BCL11B: variants seen among roughly 807,000 people sequenced by gnomAD.
BCL11B encodes the protein B-cell lymphoma/leukemia 11B.
Under a neutral mutation model 49.9 loss-of-function variants are expected in BCL11B, and 8 were observed. The ratio of observed to expected loss-of-function variants is 0.16; its 90% confidence interval spans 0.09 to 0.29. The LOEUF is 0.29. BCL11B is among the 10% of genes least tolerant of loss of function. The pLI is 1.00. For synonymous variants in BCL11B, 739 were observed against 637.4 expected (o/e 1.16, Z -2.40); for missense variants, 1,006 against 1,351.0 (o/e 0.74, Z 4.00).
intron 3 of BCL11B, among the ~76,000 whole-genome samples, chr14:99,177,908 T>C (rs2139766479): frequency 6.6e-6 from 1 of 152,246 alleles, no homozygotes; most frequent in East Asian, 1.9e-4. Context: ...AAACTTTCAT[T>C]TGGAAACCAT....
At chr14:99,191,784 T>C (rs575846558) in intron 3 of BCL11B, among the ~76,000 whole-genome samples, 1 of 151,790 alleles carries the variant, frequency 6.6e-6, no homozygotes, top group East Asian at 1.9e-4. Context: ...AAGGCAGGGA[T>C]GTCAGGGGCT....
At chr14:99,203,102 A>G (rs1413954967) in intron 3 of BCL11B, among the ~76,000 whole-genome samples, 1 of 152,152 alleles carries the variant, frequency 6.6e-6, no homozygotes, top group African/African-American at 2.4e-5. Flanking sequence ...TTCCTAGAAG[A>G]CAAACTGAGG....
intron 3 of BCL11B, among the ~76,000 whole-genome samples, chr14:99,211,910 G>A (rs1204800834): frequency 1.3e-5 from 2 of 152,024 alleles, no homozygotes; most frequent in Non-Finnish European, 2.9e-5. Flanking sequence ...CTTATAAGAA[G>A]AAGAAACTTC....
chr14:99,260,403 T>C (rs1889302924), intron 1 of BCL11B, among the ~76,000 whole-genome samples: 1 of 152,198 alleles, frequency 6.6e-6, no homozygotes, highest in Admixed American at 6.5e-5. Flanking sequence ...CTTTTTTGTT[T>C]GCTTTTTTAT....
chr14:99,175,580 G>T lies in BCL11B; in HGVS notation c.1256C>A (p.Pro419His). The T allele has an allele frequency of 6.3e-7, 1 of 1,585,190 alleles. No individual in the cohort carries two copies. The highest frequency in any genetic ancestry group is 8.6e-7 in the Non-Finnish European group (1 of 1,167,604). ...CTTGCTCTTGGCTGGCGGCTGCGGG[G>T]GCGGCGTGCCGCCAGGGGGCATGGG... is the stretch of plus-strand genomic sequence containing the variant. ...LPPMPPGGTP[P>H]PQPPAKSKSC... The change falls in exon 4 of 4, where the codon CCC (proline) becomes CAC (histidine). Residue 419 changes from proline (P) to histidine (H), a missense_variant. Around this residue, in one of 6 missense-constraint regions of BCL11B, gnomAD observed 97 missense variants for 81.5 expected, o/e 1.19. Coordinates refer to ENST00000357195, the MANE Select transcript of BCL11B (RefSeq NM_138576.4).
chr14:99,269,981 C>A (rs1889612294), intron 1 of BCL11B, among the ~76,000 whole-genome samples: 1 of 151,728 alleles, frequency 6.6e-6, no homozygotes, highest in African/African-American at 2.4e-5. Context: ...AGAAGCCGCC[C>A]CGCGGGCTGC....
At chr14:99,238,240 G>T (rs1275468622) in intron 2 of BCL11B, among the ~76,000 whole-genome samples, 1 of 152,124 alleles carries the variant, frequency 6.6e-6, no homozygotes, top group East Asian at 1.9e-4. Context: ...AGGAATGATC[G>T]CGTCCCCCAC....
chr14:99,175,216 CTCCTCCTCCTCCTCCTCG>C lies in BCL11B; in HGVS notation c.1602_1619del (p.Asp534_Glu539del). ...CGTTCTCCAGTAGCAGCTCCTCCTC[CTCCTCCTCCTCCTCCTCG>C]TCCTCCTCCTCCGGCTCGTGGCCCA... On this transcript the variant is annotated inframe_deletion, in exon 4 of 4. Transcript: ENST00000357195. The C allele has an allele frequency of 1.3e-6, 2 of 1,549,690 alleles. No homozygotes were observed. The highest frequency in any genetic ancestry group is 1.7e-6 in the Non-Finnish European group (2 of 1,149,808).
At chr14:99,230,999 G>A (rs998051589) in intron 3 of BCL11B, among the ~76,000 whole-genome samples, 2 of 152,174 alleles carry the variant, frequency 1.3e-5, no homozygotes, top group African/African-American at 4.8e-5. Flanking sequence ...TGGGGTGGGG[G>A]AGGGGGTGGC....
intron 2 of BCL11B, among the ~76,000 whole-genome samples, chr14:99,253,678 T>C (rs1462368542): frequency 2.0e-5 from 3 of 151,808 alleles, no homozygotes; most frequent in African/African-American, 4.8e-5. Flanking sequence ...TGAAAGCCCC[T>C]TTCTCCTCAC....
chr14:99,229,123 G>GATGA (rs1431495215), intron 3 of BCL11B, among the ~76,000 whole-genome samples: 1 of 89,390 alleles, frequency 1.1e-5, no homozygotes, highest in Non-Finnish European at 2.7e-5. Context: ...GGGATGAATG[G>GATGA]ATGGATGGAT....
intron 3 of BCL11B, among the ~76,000 whole-genome samples, chr14:99,217,285 AAC>A (rs1472692450): frequency 2.2e-4 from 30 of 137,598 alleles, no homozygotes; most frequent in African/African-American, 3.2e-4. Flanking sequence ...CTCACATACA[AAC>A]ACACTCACAA....
intron 3 of BCL11B, among the ~76,000 whole-genome samples, chr14:99,223,628 T>A (rs1011433085): frequency 2.0e-5 from 3 of 152,202 alleles, no homozygotes; most frequent in African/African-American, 7.2e-5. Context: ...AACCCATTAC[T>A]CTCTCGCTTC....
Position 99,173,417 on chromosome 14 carries a change from A to T in BCL11B, c.*734T>A. 4.6e-6 allele frequency: 1 copy of T among 219,152 alleles called. No individual in the cohort carries two copies. The highest frequency in any genetic ancestry group is 9.2e-6 in the Non-Finnish European group (1 of 108,916). The allele number at this position is 219,152 out of a possible 1,614,324, so 13.6% of individuals were successfully genotyped here. A position where few individuals can be genotyped will look rare whatever the true frequency, so the allele number is the denominator to read the frequency against. On this transcript the variant is annotated 3_prime_UTR_variant, in exon 4 of 4. Transcript: ENST00000357195. Reference sequence around the variant, plus strand: ...TTTCCCTTATGTAATATGAAAGCCGAAATCAACACAGAAAAGGCCGCTTGA... The same window carrying T: ...TTTCCCTTATGTAATATGAAAGCCGTAATCAACACAGAAAAGGCCGCTTGA...
intron 3 of BCL11B, among the ~76,000 whole-genome samples, chr14:99,230,466 C>T (rs867297267): frequency 3.9e-5 from 6 of 152,156 alleles, no homozygotes; most frequent in Non-Finnish European, 7.4e-5. Context: ...TCCTGGTTTG[C>T]GTGGCCACAG....
At chr14:99,255,483 T>C (rs1240011322) in intron 2 of BCL11B, among the ~76,000 whole-genome samples, 1 of 150,416 alleles carries the variant, frequency 6.6e-6, no homozygotes, top group African/African-American at 2.5e-5. Context: ...GCCTTGGAGA[T>C]TAGCTTTGCC....
chr14:99,189,495 C>T (rs1291000626), intron 3 of BCL11B, among the ~76,000 whole-genome samples: 1 of 152,234 alleles, frequency 6.6e-6, no homozygotes, highest in African/African-American at 2.4e-5. Flanking sequence ...CACACCCACA[C>T]ACACAGTGTG....
At chr14:99,211,959 C>T (rs1197820951) in intron 3 of BCL11B, among the ~76,000 whole-genome samples, 1 of 151,810 alleles carries the variant, frequency 6.6e-6, no homozygotes, top group Non-Finnish European at 1.5e-5. Context: ...CCCTGCCCAT[C>T]CCCACTCCCC....
intron 3 of BCL11B, among the ~76,000 whole-genome samples, chr14:99,222,370 A>G (rs551837961): frequency 6.6e-6 from 1 of 152,226 alleles, no homozygotes; most frequent in African/African-American, 2.4e-5. Flanking sequence ...AGGTGTAGAC[A>G]CTGCCTTTTC....
Sources: gnomAD v4.1 joint callset for allele counts (sites outside exome capture counted in the v4.1 genomes callset) on GRCh38, gnomAD v4.1.1 for gene constraint, gnomAD v4.1.1 regional missense constraint, MANE v1.5 for transcripts, NCBI Gene and HGNC (gene_info 2026-07-23, HGNC 2026-07-21) for gene names.